Variants in ARHGAP44 observed in about 807,000 individuals in gnomAD.
ARHGAP44 encodes the protein Rho GTPase activating protein 44.
Under a neutral mutation model 106.8 loss-of-function variants are expected in ARHGAP44, and 43 were observed. The ratio of observed to expected loss-of-function variants is 0.40; its 90% CI spans 0.32 to 0.52. ARHGAP44 has a LOEUF of 0.52. ARHGAP44 is among the 20% of genes least tolerant of loss of function. ARHGAP44 has a pLI of 0.48. For synonymous variants in ARHGAP44, 439 were observed against 410.3 expected, an observed-to-expected ratio of 1.07 and a Z score of -0.85; for missense variants, 866 against 1,050.5, an observed-to-expected ratio of 0.82 and a Z score of 2.43.
intron 1 of ARHGAP44, among the ~76,000 whole-genome samples, chr17:12,819,403 T>C (rs1455549422): frequency 6.6e-6 from 1 of 152,066 alleles, no homozygotes; most frequent in East Asian, 1.9e-4. Flanking sequence ...ATCAACATTA[T>C]GGAACAAATC....
chr17:12,989,953 T>G, intron 20 of ARHGAP44, 79 bp from the exon 21 acceptor site: 3 of 1,561,368 alleles, frequency 1.9e-6, no homozygotes, highest in Non-Finnish European at 2.6e-6. Context: ...CTCCTAAGGC[T>G]GACATTATTT....
intron 18 of ARHGAP44, among the ~76,000 whole-genome samples, chr17:12,976,864 G>A (rs2039697232): frequency 1.3e-5 from 2 of 152,168 alleles, no homozygotes; most frequent in Non-Finnish European, 2.9e-5. Context: ...TGGGCCAGGT[G>A]AGGCCGACCA....
At chr17:12,951,657 G>T (rs1233611065) in intron 12 of ARHGAP44, among the ~76,000 whole-genome samples, 2 of 152,146 alleles carry the variant, frequency 1.3e-5, no homozygotes, top group Non-Finnish European at 2.9e-5. Flanking sequence ...AAAGAGGTCA[G>T]TGTCTTTGAA....
chr17:12,946,478 T>TTA (rs1555561642), intron 10 of ARHGAP44, among the ~76,000 whole-genome samples: 1 of 134,622 alleles, frequency 7.4e-6, no homozygotes, highest in African/African-American at 2.8e-5. Flanking sequence ...AGATGCTCTC[T>TTA]AAAAAAAAAA....
At chr17:12,989,242 A>G (rs2040047427) in intron 20 of ARHGAP44, among the ~76,000 whole-genome samples, 2 of 151,858 alleles carry the variant, frequency 1.3e-5, no homozygotes, top group Non-Finnish European at 2.9e-5. Flanking sequence ...CAGCCTCGTC[A>G]GTGTCCCCCA....
At chr17:12,950,036 T>C (rs1020967320) in intron 12 of ARHGAP44, among the ~76,000 whole-genome samples, 2 of 152,206 alleles carry the variant, frequency 1.3e-5, no homozygotes, top group African/African-American at 4.8e-5. Flanking sequence ...GGTAGAGTTA[T>C]TCATGCTAAC....
At chr17:12,919,385 TTC>T (rs1456680292) in intron 5 of ARHGAP44, among the ~76,000 whole-genome samples, 5 of 75,352 alleles carry the variant, frequency 6.6e-5, no homozygotes, top group Non-Finnish European at 7.4e-5. Context: ...AGAATAGTTC[TTC>T]TTTTTTTTTT....
intron 1 of ARHGAP44, among the ~76,000 whole-genome samples, chr17:12,879,427 A>G (rs1025137457): frequency 1.3e-5 from 2 of 152,082 alleles, no homozygotes; most frequent in Admixed American, 1.3e-4. Flanking sequence ...TGCTATAAAC[A>G]TGCATGTGTA....
chr17:12,913,734 G>A (rs113191689), intron 4 of ARHGAP44, among the ~76,000 whole-genome samples: 6 of 133,658 alleles, frequency 4.5e-5, no homozygotes, highest in African/African-American at 1.4e-4. Context: ...TTGGGAGGCC[G>A]AGGCAGGTGG....
chr17:12,791,005 G>A (rs1182586552), intron 1 of ARHGAP44, among the ~76,000 whole-genome samples: 1 of 152,124 alleles, frequency 6.6e-6, no homozygotes, highest in African/African-American at 2.4e-5. Context: ...TTTCTTGGGT[G>A]GGAAGTGGAG....
At chr17:12,822,040 G>T (rs1198198327) in intron 1 of ARHGAP44, among the ~76,000 whole-genome samples, 3 of 152,146 alleles carry the variant, frequency 2.0e-5, no homozygotes, top group East Asian at 1.9e-4. Flanking sequence ...TTGATACTTT[G>T]TTGAGGCACT....
At chr17:12,810,053 G>C (rs1048954749) in intron 1 of ARHGAP44, among the ~76,000 whole-genome samples, 7 of 152,182 alleles carry the variant, frequency 4.6e-5, no homozygotes, top group African/African-American at 1.7e-4. Flanking sequence ...GTGCTGAGCA[G>C]AGAGGAGGGC....
At chr17:12,825,439 T>TGC (rs1491389477) in intron 1 of ARHGAP44, among the ~76,000 whole-genome samples, 2 of 149,908 alleles carry the variant, frequency 1.3e-5, no homozygotes, top group East Asian at 3.9e-4. Flanking sequence ...TGTGTGTGTG[T>TGC]GCATTATAGA....
chr17:12,826,889 C>T (rs1309629797), intron 1 of ARHGAP44, among the ~76,000 whole-genome samples: 1 of 152,166 alleles, frequency 6.6e-6, no homozygotes, highest in East Asian at 1.9e-4. Context: ...TTTTTGTAGC[C>T]AGCAACCTCA....
intron 1 of ARHGAP44, among the ~76,000 whole-genome samples, chr17:12,814,331 C>T (rs2150784685): frequency 6.6e-6 from 1 of 150,516 alleles, no homozygotes; most frequent in East Asian, 2.0e-4. Context: ...CCCTCCGCCT[C>T]CTGAGTTCAA....
At chr17:12,879,683 GTA>G (rs533622463) in intron 1 of ARHGAP44, among the ~76,000 whole-genome samples, 48,597 of 113,082 alleles carry the variant, frequency 0.43, 8,803 homozygotes, top group African/African-American at 0.51. Context: ...GTGTGTATGT[GTA>G]TATATATATA....
At position 12,920,303 on chromosome 17, in the gene ARHGAP44, G is replaced by T. The variant is rs183947278; in HGVS notation, c.464+472G>T. Among the ~76,000 whole-genome samples, 465 of 142,506 alleles carry T rather than the reference G, an allele frequency of 3.3e-3. 19 individuals carry two copies. Among genetic ancestry groups the T allele is most frequent in the African/African-American group, 0.013 (442 of 34,650 alleles). The allele number at this position is 142,506 out of a possible 152,430, so 93.5% of individuals were successfully genotyped here. A position where few individuals can be genotyped will look rare whatever the true frequency, so the allele number is the denominator to read the frequency against. On this transcript the variant is annotated intron_variant, in intron 6 of 20. Coordinates refer to ENST00000379672, the MANE Select transcript of ARHGAP44 (RefSeq NM_014859.6). ...AGGCAGGAGAATGGTGTGAACCGGG[G>T]AGGCGGAGCTTGCAGTGAGCCGAGA...
chr17:12,885,956 T>C (rs937279365), intron 1 of ARHGAP44, among the ~76,000 whole-genome samples: 1 of 152,134 alleles, frequency 6.6e-6, no homozygotes, highest in Non-Finnish European at 1.5e-5. Context: ...TTTTCTTCTA[T>C]GTTTCCTGTA....
intron 1 of ARHGAP44, among the ~76,000 whole-genome samples, chr17:12,796,474 T>C (rs2033924053): frequency 6.6e-6 from 1 of 152,248 alleles, no homozygotes; most frequent in South Asian, 2.1e-4. Flanking sequence ...CTACTTTCAC[T>C]GCAGCCTTGA....
Sources: gnomAD v4.1 joint callset for allele counts (sites outside exome capture counted in the v4.1 genomes callset) on GRCh38, gnomAD v4.1.1 for gene constraint, MANE v1.5 for transcripts, NCBI Gene and HGNC (gene_info 2026-07-23, HGNC 2026-07-21) for gene names.